Variants in GRK5 observed in about 807,000 individuals in gnomAD.
GRK5 encodes the protein g protein-coupled receptor kinase GRK5.
A neutral mutation model predicts 78.4 loss-of-function variants in GRK5; 40 were observed. That is an observed-to-expected ratio of 0.51 (90% CI 0.40 to 0.66). GRK5 has a LOEUF of 0.66. GRK5 is among the 30% of genes least tolerant of loss of function. The probability of loss-of-function intolerance (pLI) is 0.00; values close to 1 mark genes in which losing one functional copy is unlikely to be tolerated. For synonymous variants in GRK5, 289 were observed against 296.8 expected (o/e 0.97, Z 0.27); for missense variants, 598 against 759.9 (o/e 0.79, Z 2.50).
At chr10:119,392,012 T>G (rs1166725180) in intron 3 of GRK5, among the ~76,000 whole-genome samples, 1 of 152,184 alleles carries the variant, frequency 6.6e-6, no homozygotes, top group South Asian at 2.1e-4. Context: ...AGACTGCCCT[T>G]TCTAAACCTA....
chr10:119,452,988 C>G lies in GRK5; in HGVS notation c.1543-157C>G, dbSNP rs1474914416. Among the ~76,000 whole-genome samples the G allele has an allele frequency of 6.6e-6, 1 of 152,146 alleles. No homozygotes were observed. The highest frequency in any genetic ancestry group is 1.5e-5 in the Non-Finnish European group (1 of 68,020). ...GTAGGGAGCTGTAGCCACCACGGGC[C>G]AGTCATTGACGGGGAGCCTCGCCCA... On this transcript the variant is annotated intron_variant, in intron 14 of 15. Transcript: ENST00000392870. The surrounding 1 kb of genome is among the most constrained non-coding windows in gnomAD (Gnocchi z 4.4).
intron 1 of GRK5, among the ~76,000 whole-genome samples, chr10:119,240,770 C>T (rs1207069462): frequency 6.6e-6 from 1 of 151,914 alleles, no homozygotes; most frequent in Non-Finnish European, 1.5e-5. Flanking sequence ...TTTTAAGTGA[C>T]GTGGTCTCAC....
chr10:119,437,389 A>G (rs1449648954), intron 9 of GRK5, among the ~76,000 whole-genome samples: 1 of 152,168 alleles, frequency 6.6e-6, no homozygotes, highest in African/African-American at 2.4e-5. Flanking sequence ...TCCACTCACA[A>G]TGAGCAGTGC....
chr10:119,452,113 T>TA lies in GRK5; in HGVS notation c.1405-556dup, dbSNP rs1332243933. 1.3e-5 allele frequency among the ~76,000 whole-genome samples: 2 copies of TA among 152,168 alleles called. No homozygotes were observed. Among genetic ancestry groups the TA allele is most frequent in the African/African-American group, 4.8e-5 (2 of 41,444 alleles). ...AGTAAGGCAAAAGATATGCCTACCA[T>TA]AATAATACCAGCTCCCAGTTACGGG... On this transcript the variant is annotated intron_variant, in intron 13 of 15. Coordinates refer to ENST00000392870, the MANE Select transcript of GRK5 (RefSeq NM_005308.3). The surrounding 1 kb of genome is among the most constrained non-coding windows in gnomAD (Gnocchi z 4.4).
intron 1 of GRK5, among the ~76,000 whole-genome samples, chr10:119,252,646 C>T (rs1849222427): frequency 6.6e-6 from 1 of 152,166 alleles, no homozygotes; most frequent in African/African-American, 2.4e-5. Context: ...GTCTACCTTT[C>T]TATTTTTCTC....
At chr10:119,243,034 T>G (rs1849051443) in intron 1 of GRK5, among the ~76,000 whole-genome samples, 1 of 151,522 alleles carries the variant, frequency 6.6e-6, no homozygotes, top group Non-Finnish European at 1.5e-5. Flanking sequence ...AGGTCAGGAG[T>G]TCAAGACCAG....
At chr10:119,262,341 T>G (rs1252208352) in intron 1 of GRK5, among the ~76,000 whole-genome samples, 1 of 130,594 alleles carries the variant, frequency 7.7e-6, no homozygotes, top group Non-Finnish European at 1.6e-5. Flanking sequence ...TTTTTTTTTT[T>G]TTTTTTTTTT....
chr10:119,334,784 T>C (rs1029927610), intron 2 of GRK5: 2 of 152,028 alleles, frequency 1.3e-5, no homozygotes, highest in African/African-American at 4.8e-5. Flanking sequence ...AAAAGCTATA[T>C]AATAAATCAA....
chr10:119,452,851 G>T lies in GRK5; in HGVS notation c.1542+43G>T. On this transcript the variant is annotated intron_variant, in intron 14 of 15. Coordinates refer to ENST00000392870, the MANE Select transcript of GRK5 (RefSeq NM_005308.3). This position sits in a 1 kb window ranked among gnomAD's most constrained non-coding sequence, Gnocchi z 4.4. ...CTTGCTTTGGTCTGGGTGGGAGGGA[G>T]GGACTGACGGGTGGAAGGAGGCGTC... 1 of 1,569,200 alleles carries T rather than the reference G, an allele frequency of 6.4e-7. No individual in the cohort carries two copies. The highest frequency in any genetic ancestry group is 8.7e-7 in the Non-Finnish European group (1 of 1,144,966).
intron 1 of GRK5, among the ~76,000 whole-genome samples, chr10:119,266,100 A>C (rs1849491926): frequency 1.3e-5 from 2 of 152,088 alleles, no homozygotes; most frequent in Admixed American, 1.3e-4. Flanking sequence ...TGTCTTGGGG[A>C]GTTTACTGGA....
intron 3 of GRK5, among the ~76,000 whole-genome samples, chr10:119,385,848 T>C (rs575633849): frequency 6.6e-6 from 1 of 151,928 alleles, no homozygotes; most frequent in East Asian, 1.9e-4. Context: ...GAGAAAGATC[T>C]GGGCTGGAAA....
chr10:119,298,047 A>G (rs78603693), intron 1 of GRK5, among the ~76,000 whole-genome samples: 3,710 of 152,298 alleles, frequency 0.024, 78 homozygotes, highest in East Asian at 0.086. Flanking sequence ...AAATATTGAC[A>G]GCCCTGGACT....
intron 4 of GRK5, among the ~76,000 whole-genome samples, chr10:119,410,618 G>T (rs1852321187): frequency 6.6e-6 from 1 of 152,130 alleles, no homozygotes; most frequent in African/African-American, 2.4e-5. Flanking sequence ...CCCTCACTTG[G>T]TTGCTCATAG....
In GRK5 at chr10:119,213,301, A is replaced by G. The variant is rs188347067; in HGVS notation, c.52+5332A>G. On this transcript the variant is annotated intron_variant, in intron 1 of 15. Transcript: ENST00000392870. ...CGAGGCAGGCGGATCACCTGAGGTC[A>G]GGAGATTGAGATCAGCCTGGCCAAC... Among the ~76,000 whole-genome samples the G allele has an allele frequency of 3.4e-3, 518 of 152,330 alleles. 4 individuals carry two copies. Among genetic ancestry groups the G allele is most frequent in the African/African-American group, 0.012 (502 of 41,568 alleles).
chr10:119,437,538 TAC>T (rs1162172685), intron 9 of GRK5, among the ~76,000 whole-genome samples: 1 of 152,212 alleles, frequency 6.6e-6, no homozygotes, highest in Non-Finnish European at 1.5e-5. Context: ...ACAGTTACAT[TAC>T]ACTCCTCAGG....
chr10:119,420,008 A>G (rs1249659369), intron 4 of GRK5, among the ~76,000 whole-genome samples: 1 of 152,190 alleles, frequency 6.6e-6, no homozygotes, highest in African/African-American at 2.4e-5. Context: ...CAGGTGGCCC[A>G]GACAGCCCAC....
intron 1 of GRK5, among the ~76,000 whole-genome samples, chr10:119,295,763 G>A (rs889038812): frequency 8.6e-5 from 13 of 152,040 alleles, no homozygotes; most frequent in Non-Finnish European, 1.6e-4. Flanking sequence ...ATGAGGACAC[G>A]AAGGCATAAG....
chr10:119,220,016 A>G (rs1310112603), intron 1 of GRK5, among the ~76,000 whole-genome samples: 1 of 152,196 alleles, frequency 6.6e-6, no homozygotes, highest in Non-Finnish European at 1.5e-5. Flanking sequence ...CATTTGAAGG[A>G]TGTAATCGTT....
chr10:119,261,181 C>T (rs538449815), intron 1 of GRK5, among the ~76,000 whole-genome samples: 3 of 150,090 alleles, frequency 2.0e-5, no homozygotes, highest in East Asian at 2.0e-4. Context: ...ACTTCTCAAA[C>T]GGGGCGGCTG....
Sources: gnomAD v4.1 joint callset for allele counts (sites outside exome capture counted in the v4.1 genomes callset) on GRCh38, gnomAD v4.1.1 for gene constraint, Gnocchi (gnomAD v3.1) non-coding constraint, MANE v1.5 for transcripts, NCBI Gene and HGNC (gene_info 2026-07-23, HGNC 2026-07-21) for gene names.